RPS6KA6: variants seen among roughly 807,000 people sequenced by gnomAD.
RPS6KA6 encodes the protein ribosomal protein S6 kinase A6, also known as ribosomal protein S6 kinase alpha-6.
RPS6KA6 carries 27 observed loss-of-function variants against 65.4 expected under a neutral mutation model. That is an observed-to-expected ratio of 0.41 (90% confidence interval 0.30 to 0.57). The LOEUF (loss-of-function observed/expected upper bound fraction) is 0.57, where lower values mean the gene tolerates loss of function less well. RPS6KA6 is among the 20% of genes least tolerant of loss of function. The probability of loss-of-function intolerance (pLI) is 0.24; values close to 1 mark genes in which losing one functional copy is unlikely to be tolerated. For missense variants in RPS6KA6, 486 were observed against 555.6 expected, an observed-to-expected ratio of 0.87 and a Z score of 1.26; for synonymous variants, 190 against 184.2, an observed-to-expected ratio of 1.03 and a Z score of -0.26.
chrX:84,060,876 A>G lies in RPS6KA6; in HGVS notation c.*3401T>C, dbSNP rs1235984003. On this transcript the variant is annotated 3_prime_UTR_variant, in exon 22 of 22. Coordinates refer to ENST00000262752, the MANE Select transcript of RPS6KA6 (RefSeq NM_014496.5). ...CTTCCTTAAAAAATGCCAATTAACT[A>G]TTAGCCACTGACAGAAAAATGTAAA... The G allele has an allele frequency of 8.9e-6, 1 of 112,151 alleles. No individual in the cohort carries two copies. Among genetic ancestry groups the G allele is most frequent in the East Asian group, 2.8e-4 (1 of 3,585 alleles). 9.2% of individuals were successfully genotyped at this position (112,151 alleles called of 1,213,427 possible). A position where few individuals can be genotyped will look rare whatever the true frequency, so the allele number is the denominator to read the frequency against.
At position 84,062,952 on chromosome X, in the gene RPS6KA6, T is replaced by TAGTAGTAGTAGTAGCAGC. The variant is rs760428123; in HGVS notation, c.*1324_*1325insGCTGCTACTACTACTACT. 3 of 110,231 alleles carry TAGTAGTAGTAGTAGCAGC rather than the reference T, an allele frequency of 2.7e-5. No homozygotes were observed. In the South Asian group the frequency reaches 1.1e-3, roughly 42 times the overall value. The allele number at this position is 110,231 out of a possible 1,213,427, so 9.1% of individuals were successfully genotyped here. On this transcript the variant is annotated 3_prime_UTR_variant, in exon 22 of 22. Coordinates refer to ENST00000262752, the MANE Select transcript of RPS6KA6 (RefSeq NM_014496.5). ...GTAGTAGTAGTAGTAGTAGTAGTAGTAGCAGTAGTAGCTGCTGCTGTTGTT... is the reference window on the plus strand; with the variant it reads ...GTAGTAGTAGTAGTAGTAGTAGTAGTAGTAGTAGTAGTAGCAGCAGCAGTAGTAGCTGCTGCTGTTGTT...
At chrX:84,128,765 T>C (rs1035021866) in intron 8 of RPS6KA6, among the ~76,000 whole-genome samples, 13 of 111,981 alleles carry the variant, frequency 1.2e-4, no homozygotes, top group Non-Finnish European at 2.1e-4. Flanking sequence ...GTTCAATAAA[T>C]GGTGCTAGGA....
chrX:84,150,608 A>G (rs977988385), intron 3 of RPS6KA6, among the ~76,000 whole-genome samples: 2 of 109,325 alleles, frequency 1.8e-5, no homozygotes, highest in Non-Finnish European at 3.8e-5. Context: ...AAATAGCCAG[A>G]ACACACACAC....
chrX:84,161,512 T>A, intron 2 of RPS6KA6, among the ~76,000 whole-genome samples: 1 of 111,406 alleles, frequency 9.0e-6, no homozygotes, highest in East Asian at 2.8e-4. Flanking sequence ...GAAAAAATAC[T>A]GAAGCATACT....
At chrX:84,162,578 C>T (rs1202843963) in intron 2 of RPS6KA6, among the ~76,000 whole-genome samples, 2 of 111,830 alleles carry the variant, frequency 1.8e-5, no homozygotes, top group African/African-American at 3.3e-5. Context: ...AACTGAACTT[C>T]CTGACTTATC....
intron 9 of RPS6KA6, among the ~76,000 whole-genome samples, chrX:84,119,252 G>A (rs1037850938): frequency 8.9e-6 from 1 of 111,854 alleles, no homozygotes. Context: ...ACATGCTGAT[G>A]TGTCATTTGA....
intron 18 of RPS6KA6, 113 bp downstream of exon 18, chrX:84,101,924 G>A: frequency 1.7e-6 from 1 of 604,656 alleles, no homozygotes; most frequent in Non-Finnish European, 2.4e-6. Flanking sequence ...CTTTAAAACT[G>A]AAAAGGGCAA....
In RPS6KA6 at chrX:84,063,795, G is replaced by C. The variant is rs1393449643; in HGVS notation, c.*482C>G. On this transcript the variant is annotated 3_prime_UTR_variant, in exon 22 of 22. Transcript: ENST00000262752. ...GTGAGTCAAATGAATGGAGTCCTTT[G>C]GTTTTACGGAATAACAAGCTTTTAT... 1.8e-5 allele frequency: 2 copies of C among 111,497 alleles called. No individual in the cohort carries two copies. Among genetic ancestry groups the C allele is most frequent in the African/African-American group, 6.5e-5 (2 of 30,690 alleles). 9.2% of individuals were successfully genotyped at this position (111,497 alleles called of 1,213,427 possible). A position where few individuals can be genotyped will look rare whatever the true frequency, so the allele number is the denominator to read the frequency against.
At chrX:84,175,228 G>A (rs967615638) in intron 1 of RPS6KA6, among the ~76,000 whole-genome samples, 2 of 111,094 alleles carry the variant, frequency 1.8e-5, no homozygotes, top group African/African-American at 6.5e-5. Flanking sequence ...CAGTATACGT[G>A]GGAGATTGGT....
intron 8 of RPS6KA6, among the ~76,000 whole-genome samples, chrX:84,130,334 A>G (rs756722008): frequency 9.0e-6 from 1 of 111,592 alleles, no homozygotes; most frequent in Non-Finnish European, 1.9e-5. Context: ...CTATTAGAAT[A>G]GCTAAAATAA....
At chrX:84,150,669 C>T (rs760648025) in intron 3 of RPS6KA6, among the ~76,000 whole-genome samples, 6 of 107,947 alleles carry the variant, frequency 5.6e-5, no homozygotes, top group Non-Finnish European at 1.1e-4. Flanking sequence ...CATGGCACCC[C>T]GAAACAATGA....
intron 20 of RPS6KA6, among the ~76,000 whole-genome samples, chrX:84,082,971 T>C (rs1948753843): frequency 8.9e-6 from 1 of 112,043 alleles, no homozygotes; most frequent in Non-Finnish European, 1.9e-5. Context: ...GACTTAAACG[T>C]AAAACCTAAA....
intron 2 of RPS6KA6, among the ~76,000 whole-genome samples, chrX:84,158,241 T>C (rs2035449511): frequency 1.8e-5 from 2 of 110,917 alleles, no homozygotes; most frequent in South Asian, 3.8e-4. Context: ...CACCAAAAAA[T>C]AGGGCAACTG....
In RPS6KA6 at chrX:84,164,440, T is replaced by TA. The variant is rs2035566716; in HGVS notation, c.82-54dup. 6 of 868,647 alleles carry TA rather than the reference T, an allele frequency of 6.9e-6. No individual in the cohort carries two copies. In the South Asian group the frequency reaches 1.3e-4, roughly 19 times the overall value. 71.6% of individuals were successfully genotyped at this position (868,647 alleles called of 1,213,427 possible). On this transcript the variant is annotated intron_variant, in intron 1 of 21. Transcript: ENST00000262752. The stretch of plus-strand genomic sequence containing the variant: ...TTCAAAAGTATTAAAACAAGAGTGA[T>TA]AACTAAGAAAAATATAACCCTAGGC...
intron 8 of RPS6KA6, among the ~76,000 whole-genome samples, chrX:84,129,667 T>TA (rs1378060484): frequency 9.0e-6 from 1 of 111,598 alleles, no homozygotes; most frequent in Non-Finnish European, 1.9e-5. Context: ...TATTCATCCA[T>TA]AAAAAAGAGT....
At chrX:84,164,193 A>T (rs1437903053) in intron 2 of RPS6KA6, 135 bp downstream of exon 2, 2 of 490,910 alleles carry the variant, frequency 4.1e-6, no homozygotes, top group Non-Finnish European at 7.0e-6. Flanking sequence ...ACTGCAGTTG[A>T]GTTATTAATA....
intron 20 of RPS6KA6, among the ~76,000 whole-genome samples, chrX:84,084,658 G>A (rs1172662740): frequency 1.8e-5 from 2 of 112,144 alleles, no homozygotes; most frequent in African/African-American, 6.5e-5. Flanking sequence ...CTCCAGCTTT[G>A]TACTTTTTGC....
chrX:84,122,880 G>A (rs772181042), intron 8 of RPS6KA6, among the ~76,000 whole-genome samples: 23 of 111,703 alleles, frequency 2.1e-4, no homozygotes, highest in Non-Finnish European at 3.2e-4. Context: ...GGCTAAGGGA[G>A]TACTTGTGCC....
At chrX:84,077,372 A>G (rs1232997418) in intron 20 of RPS6KA6, among the ~76,000 whole-genome samples, 1 of 112,006 alleles carries the variant, frequency 8.9e-6, no homozygotes, top group East Asian at 2.8e-4. Flanking sequence ...TTAATTATAA[A>G]GCAACAGTAA....
Sources: gnomAD v4.1 joint callset for allele counts (sites outside exome capture counted in the v4.1 genomes callset) on GRCh38, gnomAD v4.1.1 for gene constraint, MANE v1.5 for transcripts, NCBI Gene and HGNC (gene_info 2026-07-23, HGNC 2026-07-21) for gene names.